The following SCO1 variants were observed in gnomAD, a reference collection of about 807,000 sequenced individuals.
SCO1 encodes the protein cytochrome c oxidase assembly factor SCO1.
SCO1 carries 23 observed loss-of-function variants against 34.0 expected under a neutral mutation model. The ratio of observed to expected loss-of-function variants is 0.68; its 90% CI spans 0.49 to 0.96. The LOEUF is 0.96. Among genes scored for constraint, SCO1 ranks in the 40% least tolerant of loss-of-function variants. SCO1 has a pLI of 0.00. For missense variants in SCO1, 404 were observed against 381.6 expected, an observed-to-expected ratio of 1.06 and a Z score of -0.49; for synonymous variants, 161 against 145.5, an observed-to-expected ratio of 1.11 and a Z score of -0.77.
intron 5 of SCO1, among the ~76,000 whole-genome samples, chr17:10,682,800 C>G (rs914964671): frequency 6.6e-6 from 1 of 152,170 alleles, no homozygotes; most frequent in Non-Finnish European, 1.5e-5. Flanking sequence ...CTGACAAATT[C>G]TTTCACATGT....
intron 4 of SCO1, among the ~76,000 whole-genome samples, chr17:10,688,220 G>A (rs372387170): frequency 4.6e-5 from 7 of 152,242 alleles, no homozygotes; most frequent in East Asian, 3.9e-4. Context: ...CTGAAATGAC[G>A]AGCCACAGAC....
At chr17:10,686,495 T>C (rs1276010587) in intron 5 of SCO1, among the ~76,000 whole-genome samples, 1 of 150,370 alleles carries the variant, frequency 6.7e-6, no homozygotes, top group Non-Finnish European at 1.5e-5. Flanking sequence ...CATAGGAGAA[T>C]TGCTTGAATC....
intron 2 of SCO1, among the ~76,000 whole-genome samples, chr17:10,693,244 TG>T (rs745440260): frequency 2.1e-4 from 32 of 152,316 alleles, no homozygotes; most frequent in Non-Finnish European, 3.8e-4. Flanking sequence ...GTGTCCATGC[TG>T]GGGGCAGGGA....
At chr17:10,688,830 C>A (rs1027952068) in intron 4 of SCO1, among the ~76,000 whole-genome samples, 1 of 151,184 alleles carries the variant, frequency 6.6e-6, no homozygotes, top group Non-Finnish European at 1.5e-5. Flanking sequence ...GAAAGCAGTT[C>A]TGCAGGCCGG....
At chr17:10,689,854 A>G (rs1436082230) in intron 4 of SCO1, among the ~76,000 whole-genome samples, 2 of 152,212 alleles carry the variant, frequency 1.3e-5, no homozygotes, top group Non-Finnish European at 1.5e-5. Context: ...GTACTGGCAT[A>G]AAAACAGACA....
In SCO1 at chr17:10,678,385, C is replaced by T. The variant is rs2074596099; in HGVS notation, c.*2734G>A. 1 of 152,176 alleles carries T rather than the reference C, an allele frequency of 6.6e-6. No individual in the cohort carries two copies. The highest frequency in any genetic ancestry group is 6.5e-5 in the Admixed American group (1 of 15,274). The allele number at this position is 152,176 out of a possible 1,614,324, so 9.4% of individuals were successfully genotyped here. ...GGTCCCCTTCCCCACTTCTAACATT[C>T]TGACTTCAAGCCTTTAAACTTGACA... On this transcript the variant is annotated 3_prime_UTR_variant, in exon 6 of 6. Transcript: ENST00000255390.
In SCO1 at chr17:10,672,626, C is replaced by A. The variant is rs1156245359; in HGVS notation, c.*8493G>T. ...ACCACTTCCCCAAATCCCCTCCTGC[C>A]CCTGGCAATCATTTGCCACTGCAAT... On this transcript the variant is annotated 3_prime_UTR_variant, in exon 6 of 6. Coordinates refer to ENST00000255390, the MANE Select transcript of SCO1 (RefSeq NM_004589.4). 1 of 152,186 alleles carries A rather than the reference C, an allele frequency of 6.6e-6. No homozygotes were observed. The highest frequency in any genetic ancestry group is 1.5e-5 in the Non-Finnish European group (1 of 68,054). The allele number at this position is 152,186 out of a possible 1,614,324, so 9.4% of individuals were successfully genotyped here. A position where few individuals can be genotyped will look rare whatever the true frequency, so the allele number is the denominator to read the frequency against.
intron 5 of SCO1, among the ~76,000 whole-genome samples, chr17:10,683,201 C>T (rs77984621): frequency 2.0e-5 from 3 of 152,044 alleles, no homozygotes; most frequent in Admixed American, 1.3e-4. Context: ...TCTGCATCTA[C>T]TATGTGTATA....
At position 10,681,150 on chromosome 17, in the gene SCO1, G is replaced by A; in HGVS notation, c.875C>T (p.Thr292Ile). Residue 292 changes from threonine (T) to isoleucine (I), a missense_variant, in exon 6 of 6, where the codon ACA (threonine) becomes ATA (isoleucine). Transcript: ENST00000255390. ...CTTTTTTCTGTATGGCCTCATGTGT[G>A]TGGCAATTGAAGCAGCTATTTCTCC... The part of the protein sequence containing the change: ...RKGEIAASIA[T>I]HMRPYRKKS 3 of 1,614,172 alleles carry A rather than the reference G, an allele frequency of 1.9e-6. No homozygotes were observed. Among genetic ancestry groups the A allele is most frequent in the Non-Finnish European group, 2.5e-6 (3 of 1,180,034 alleles).
Position 10,675,558 on chromosome 17 carries a change from C to T in SCO1, c.*5561G>A, listed in dbSNP as rs1203948417. 1 of 152,120 alleles carries T rather than the reference C, an allele frequency of 6.6e-6. No homozygotes were observed. Among genetic ancestry groups the T allele is most frequent in the Non-Finnish European group, 1.5e-5 (1 of 68,036 alleles). 9.4% of individuals were successfully genotyped at this position (152,120 alleles called of 1,614,324 possible). A position where few individuals can be genotyped will look rare whatever the true frequency, so the allele number is the denominator to read the frequency against. Reference sequence around the variant, plus strand: ...TATGTAAATCATCACCCAGATCAAGCTACTGAACATTTCAATGGCTCTGGA... The same window carrying T: ...TATGTAAATCATCACCCAGATCAAGTTACTGAACATTTCAATGGCTCTGGA... On this transcript the variant is annotated 3_prime_UTR_variant, in exon 6 of 6. Transcript: ENST00000255390.
intron 3 of SCO1, among the ~76,000 whole-genome samples, chr17:10,692,466 A>G (rs2074695813): frequency 6.6e-6 from 1 of 152,226 alleles, no homozygotes; most frequent in South Asian, 2.1e-4. Flanking sequence ...AATTGTCACA[A>G]TCAGTGGGGA....
chr17:10,690,488 G>A (rs1055789757), intron 4 of SCO1, among the ~76,000 whole-genome samples: 1 of 151,992 alleles, frequency 6.6e-6, no homozygotes, highest in African/African-American at 2.4e-5. Context: ...CCACAATTAG[G>A]TATCTCATCC....
chr17:10,680,974 C>A lies in SCO1; in HGVS notation c.*145G>T, dbSNP rs2074617820. On this transcript the variant is annotated 3_prime_UTR_variant, in exon 6 of 6. Transcript: ENST00000255390. ...TTTTGGTTGAACGCAAGGGTAACAT[C>A]CCCATCCAAAACAGAAATGTTCTCA... 1 of 989,850 alleles carries A rather than the reference C, an allele frequency of 1.0e-6. No individual in the cohort carries two copies. The highest frequency in any genetic ancestry group is 1.6e-5 in the African/African-American group (1 of 62,494). The allele number at this position is 989,850 out of a possible 1,614,324, so 61.3% of individuals were successfully genotyped here.
In SCO1 at chr17:10,697,282, A is replaced by AGAAGGGT; in HGVS notation, c.225_226insACCCTTC (p.Trp76ThrfsTer77). The AGAAGGGT allele has an allele frequency of 6.4e-7, 1 of 1,566,360 alleles. No homozygotes were observed. The highest frequency in any genetic ancestry group is 2.4e-5 in the East Asian group (1 of 42,480). On this transcript the variant is annotated frameshift_variant, in exon 1 of 6. Transcript: ENST00000255390. LOFTEE classifies it high-confidence loss of function. Reference sequence around the variant, plus strand: ...GAGTCTCCGGGGCCCTTCTGCGACCACGGGGGTGGCGGCCTCGCAGTGCTG... The same window carrying AGAAGGGT: ...GAGTCTCCGGGGCCCTTCTGCGACCAGAAGGGTCGGGGGTGGCGGCCTCGCAGTGCTG...
chr17:10,689,994 TA>T (rs1230746310), intron 4 of SCO1, among the ~76,000 whole-genome samples: 1 of 152,186 alleles, frequency 6.6e-6, no homozygotes, highest in Non-Finnish European at 1.5e-5. Flanking sequence ...GGGATATCCC[TA>T]CATAGTAGAA....
Position 10,697,499 on chromosome 17 carries a change from C to A in SCO1, c.9G>T (p.Met3Ile). 1 of 1,613,424 alleles carries A rather than the reference C, an allele frequency of 6.2e-7. No individual in the cohort carries two copies. The highest frequency in any genetic ancestry group is 8.5e-7 in the Non-Finnish European group (1 of 1,179,920). Residue 3 changes from methionine to isoleucine, a missense_variant, in exon 1 of 6, where the codon ATG becomes ATT. Transcript: ENST00000255390. Reference sequence around the variant, plus strand: ...TAACTCGTCCGGGTACTAGGACCAGCATCGCCATGAGCCTCGGAGACCGGG... The same window carrying A: ...TAACTCGTCCGGGTACTAGGACCAGAATCGCCATGAGCCTCGGAGACCGGG... MA[M>I]LVLVPGRVMR...
intron 1 of SCO1, 64 bp from the exon 2 acceptor site, chr17:10,695,895 CTTATTAAAGTAGTTT>C (rs1003917039): frequency 8.2e-7 from 1 of 1,225,066 alleles, no homozygotes; most frequent in Non-Finnish European, 1.2e-6. Flanking sequence ...ACCATACAAA[CTTATTAAAGTAGTTT>C]TTAATATACA....
intron 5 of SCO1, among the ~76,000 whole-genome samples, chr17:10,682,473 C>T (rs1367540723): frequency 2.6e-5 from 4 of 152,062 alleles, no homozygotes; most frequent in African/African-American, 9.7e-5. Flanking sequence ...AGAATTAAGT[C>T]TCCAGTTCTC....
chr17:10,687,419 T>G (rs2074663506), intron 4 of SCO1, among the ~76,000 whole-genome samples: 1 of 152,228 alleles, frequency 6.6e-6, no homozygotes, highest in Non-Finnish European at 1.5e-5. Context: ...GTATCTGCTA[T>G]TAAGTTTTTG....
Sources: allele counts gnomAD v4.1 joint callset (sites outside exome capture counted in the v4.1 genomes callset), GRCh38; gene constraint gnomAD v4.1.1; transcripts MANE v1.5; gene names NCBI Gene and HGNC (gene_info 2026-07-23, HGNC 2026-07-21).